Variants in ADGRA3 observed in about 807,000 individuals in gnomAD.
ADGRA3 encodes the protein G-protein coupled receptor 125.
In ADGRA3, 56 loss-of-function variants were observed where a neutral mutation model predicts 119.8. The observed-to-expected ratio is 0.47, with a 90% CI of 0.38 to 0.58. ADGRA3 has a LOEUF of 0.58. Ranked by LOEUF, ADGRA3 falls within the 20% of genes least tolerant of loss-of-function variation. The pLI is 0.00. For synonymous variants in ADGRA3, 607 were observed against 623.8 expected, an observed-to-expected ratio of 0.97 and a Z score of 0.40; for missense variants, 1,516 against 1,649.0, an observed-to-expected ratio of 0.92 and a Z score of 1.40.
At chr4:22,422,674 G>C in intron 11 of ADGRA3, among the ~76,000 whole-genome samples, 1 of 152,138 alleles carries the variant, frequency 6.6e-6, no homozygotes, top group East Asian at 1.9e-4. Flanking sequence ...TTTACACATA[G>C]AGATGGTATG....
chr4:22,487,556 G>A (rs1718473963), intron 1 of ADGRA3, among the ~76,000 whole-genome samples: 1 of 152,140 alleles, frequency 6.6e-6, no homozygotes, highest in African/African-American at 2.4e-5. Context: ...AGGTCTGGGG[G>A]TTGGTGACCC....
intron 12 of ADGRA3, 32 bp downstream of exon 12, chr4:22,420,854 A>T (rs772027096): frequency 6.3e-7 from 1 of 1,579,872 alleles, no homozygotes; most frequent in Non-Finnish European, 8.7e-7. Context: ...TTAACTGTAA[A>T]TAGTCTTAAA....
In ADGRA3 at chr4:22,413,287, C is replaced by T; in HGVS notation, c.2127G>A (p.Leu709=). 1 of 1,614,064 alleles carries T rather than the reference C, an allele frequency of 6.2e-7. No individual in the cohort carries two copies. The highest frequency in any genetic ancestry group is 8.5e-7 in the Non-Finnish European group (1 of 1,179,972). ...AVAARWDFDL[L]NGQGGWKSDG... Reference sequence around the variant, plus strand: ...CTGACTTCCAGCCTCCTTGTCCGTTCAGCAAATCGAAATCCCACCGGGCTG... The same window carrying T: ...CTGACTTCCAGCCTCCTTGTCCGTTTAGCAAATCGAAATCCCACCGGGCTG... Residue 709 remains leucine, a synonymous_variant, in exon 14 of 19, where the codon CTG becomes CTA. Transcript: ENST00000334304.
chr4:22,469,794 C>T (rs1043762594), intron 2 of ADGRA3, among the ~76,000 whole-genome samples: 8 of 152,126 alleles, frequency 5.3e-5, no homozygotes, highest in African/African-American at 1.9e-4. Context: ...TCCCTGCTTC[C>T]ACCCCATCCC....
intron 1 of ADGRA3, 103 bp downstream of exon 1, chr4:22,515,425 A>G: frequency 7.1e-7 from 1 of 1,403,048 alleles, no homozygotes; most frequent in Non-Finnish European, 9.5e-7. Flanking sequence ...CTACAGCTCC[A>G]CACAAAGGCG....
intron 4 of ADGRA3, among the ~76,000 whole-genome samples, chr4:22,454,272 A>C (rs1401695512): frequency 2.0e-5 from 3 of 152,150 alleles, no homozygotes; most frequent in African/African-American, 4.8e-5. Flanking sequence ...AGATAACTTA[A>C]ATTTTAAATA....
chr4:22,412,117 T>C (rs1205947265), intron 14 of ADGRA3, among the ~76,000 whole-genome samples: 1 of 152,120 alleles, frequency 6.6e-6, no homozygotes, highest in Non-Finnish European at 1.5e-5. Context: ...TAAAACATTT[T>C]CTAGAAAACA....
At chr4:22,400,323 A>T (rs1714560386) in intron 16 of ADGRA3, among the ~76,000 whole-genome samples, 1 of 152,216 alleles carries the variant, frequency 6.6e-6, no homozygotes, top group African/African-American at 2.4e-5. Context: ...AAATAGATAA[A>T]GAAAATGTGG....
chr4:22,444,882 A>G, intron 6 of ADGRA3, 91 bp downstream of exon 6: 1 of 1,300,322 alleles, frequency 7.7e-7, no homozygotes, highest in Non-Finnish European at 1.1e-6. Flanking sequence ...GTTCTGTCCA[A>G]GTATAAAGAG....
At chr4:22,422,206 A>G (rs1327205298) in intron 11 of ADGRA3, among the ~76,000 whole-genome samples, 1 of 152,206 alleles carries the variant, frequency 6.6e-6, no homozygotes, top group East Asian at 1.9e-4. Context: ...GTATATGCCT[A>G]TCCCACAGGC....
intron 9 of ADGRA3, 44 bp downstream of exon 9, chr4:22,436,396 T>A: frequency 1.3e-6 from 2 of 1,484,370 alleles, no homozygotes; most frequent in Non-Finnish European, 1.9e-6. Flanking sequence ...TTGAATACCA[T>A]GTTTTCTCCA....
chr4:22,408,722 G>A (rs983924755), intron 14 of ADGRA3, among the ~76,000 whole-genome samples: 2 of 152,140 alleles, frequency 1.3e-5, no homozygotes, highest in Non-Finnish European at 2.9e-5. Context: ...TTGGTCAACT[G>A]CATGGCTTTA....
chr4:22,503,797 G>C (rs553573973), intron 1 of ADGRA3, among the ~76,000 whole-genome samples: 1 of 152,200 alleles, frequency 6.6e-6, no homozygotes, highest in Non-Finnish European at 1.5e-5. Context: ...GATGTTTACA[G>C]TACTTGGGGA....
At chr4:22,442,419 A>G (rs1164730888) in intron 7 of ADGRA3, among the ~76,000 whole-genome samples, 1 of 152,174 alleles carries the variant, frequency 6.6e-6, no homozygotes, top group Non-Finnish European at 1.5e-5. Context: ...AAAGTCTTCA[A>G]TTTCTAAAGT....
intron 1 of ADGRA3, among the ~76,000 whole-genome samples, chr4:22,475,302 T>A (rs1466398586): frequency 2.0e-5 from 3 of 152,232 alleles, no homozygotes; most frequent in Admixed American, 1.3e-4. Flanking sequence ...TTTCAAATTC[T>A]GTTTCCTTGG....
chr4:22,483,531 T>C (rs1380054516), intron 1 of ADGRA3, among the ~76,000 whole-genome samples: 1 of 152,182 alleles, frequency 6.6e-6, no homozygotes, highest in Non-Finnish European at 1.5e-5. Context: ...TTCCTTCTCT[T>C]CATACTGCAA....
intron 2 of ADGRA3, among the ~76,000 whole-genome samples, chr4:22,471,961 C>T (rs900202071): frequency 1.3e-5 from 2 of 151,886 alleles, no homozygotes; most frequent in Non-Finnish European, 2.9e-5. Flanking sequence ...GAAATAGATG[C>T]AAAAAGGGTA....
At chr4:22,472,141 C>T (rs1577368927) in intron 2 of ADGRA3, among the ~76,000 whole-genome samples, 1 of 152,176 alleles carries the variant, frequency 6.6e-6, no homozygotes, top group African/African-American at 2.4e-5. Flanking sequence ...AAAGGGAAGA[C>T]CACACTAATG....
At position 22,388,177 on chromosome 4, in the gene ADGRA3, T is replaced by G. The variant is rs1713927533; in HGVS notation, c.3494A>C (p.Asn1165Thr). The stretch of plus-strand genomic sequence containing the variant: ...TTTATGGTGGCGGCTTGAGTGCACA[T>G]TTGTTCGAAACTGAACTTCTAAAGG... ...VAPLEVQFRT[N>T]VHSSRHHKNR... The change falls in exon 19 of 19, where the codon AAT (asparagine) becomes ACT (threonine). Residue 1165 changes from asparagine (N) to threonine (T), a missense_variant. Transcript: ENST00000334304. The G allele has an allele frequency of 6.2e-7, 1 of 1,614,110 alleles. No homozygotes were observed. The highest frequency in any genetic ancestry group is 8.5e-7 in the Non-Finnish European group (1 of 1,179,996).
Sources: allele counts gnomAD v4.1 joint callset (sites outside exome capture counted in the v4.1 genomes callset), GRCh38; gene constraint gnomAD v4.1.1; transcripts MANE v1.5; gene names NCBI Gene and HGNC (gene_info 2026-07-23, HGNC 2026-07-21).